TAS2R1: variants seen among roughly 807,000 people sequenced by gnomAD.
The protein encoded by TAS2R1 is taste 2 receptor member 1.
For synonymous variants in TAS2R1, 141 were observed against 134.2 expected (o/e 1.05, Z -0.35); for missense variants, 370 against 353.4 (o/e 1.05, Z -0.38).
chr5:9,789,327 A>G, the TAS2R1 span, among the ~76,000 whole-genome samples: 1 of 152,214 alleles, frequency 6.6e-6, no homozygotes. Flanking sequence ...TTTAATCTTT[A>G]TTTGAAGGAT....
At chr5:9,809,537 C>T in the TAS2R1 span, among the ~76,000 whole-genome samples, 2 of 152,078 alleles carry the variant, frequency 1.3e-5, no homozygotes, top group African/African-American at 2.4e-5. Flanking sequence ...GGAAGAGGGC[C>T]CTCACCAGAA....
chr5:9,901,112 TGAGAAGACCACA>T, the TAS2R1 span, among the ~76,000 whole-genome samples: 360 of 151,270 alleles, frequency 2.4e-3, no homozygotes, highest in Middle Eastern at 0.017. Context: ...GGTTGGACCC[TGAGAAGACCACA>T]GAGAAGGGTA....
chr5:9,824,790 C>A, the TAS2R1 span, among the ~76,000 whole-genome samples: 1 of 141,510 alleles, frequency 7.1e-6, no homozygotes, highest in Admixed American at 7.6e-5. Context: ...GAGGTTGCAG[C>A]GAGCCAAGAT....
At chr5:9,705,370 C>T (rs1741580353) in intron 1 of TAS2R1, among the ~76,000 whole-genome samples, 1 of 152,132 alleles carries the variant, frequency 6.6e-6, no homozygotes, top group South Asian at 2.1e-4. Flanking sequence ...GCATGTATTG[C>T]TTTCCTAATA....
intron 2 of TAS2R1, chr5:9,658,931 G>A (rs1740471336): frequency 6.6e-6 from 1 of 152,128 alleles, no homozygotes; most frequent in African/African-American, 2.4e-5. Flanking sequence ...TATGACTATA[G>A]CATTCCACAA....
At chr5:9,856,849 A>T in the TAS2R1 span, among the ~76,000 whole-genome samples, 1 of 152,224 alleles carries the variant, frequency 6.6e-6, no homozygotes, top group Non-Finnish European at 1.5e-5. Context: ...TTATTGCAGC[A>T]CTATTCACGA....
At chr5:9,734,536 T>G in the TAS2R1 span, among the ~76,000 whole-genome samples, 1 of 152,096 alleles carries the variant, frequency 6.6e-6, no homozygotes, top group South Asian at 2.1e-4. Context: ...AGAAAATAGA[T>G]CAGAGATAAG....
intron 2 of TAS2R1, among the ~76,000 whole-genome samples, chr5:9,642,968 T>C (rs765862557): frequency 1.3e-5 from 2 of 151,966 alleles, no homozygotes; most frequent in Non-Finnish European, 2.9e-5. Context: ...TTTCCCTTCT[T>C]TCCTTTTTCC....
chr5:9,851,941 A>G, the TAS2R1 span, among the ~76,000 whole-genome samples: 4 of 152,222 alleles, frequency 2.6e-5, no homozygotes, highest in Admixed American at 2.0e-4. Context: ...CTTCAGATAG[A>G]GGCTTGACTA....
At chr5:9,868,019 C>T in the TAS2R1 span, among the ~76,000 whole-genome samples, 1 of 152,172 alleles carries the variant, frequency 6.6e-6, no homozygotes, top group South Asian at 2.1e-4. Flanking sequence ...AAGTGGGCTC[C>T]AAGGCCTTGG....
intron 2 of TAS2R1, among the ~76,000 whole-genome samples, chr5:9,637,033 A>G (rs1210085399): frequency 6.6e-6 from 1 of 151,288 alleles, no homozygotes; most frequent in Non-Finnish European, 1.5e-5. Flanking sequence ...TGTGAGATTT[A>G]TGCTTTAAGG....
chr5:9,873,488 A>G, the TAS2R1 span, among the ~76,000 whole-genome samples: 1 of 151,466 alleles, frequency 6.6e-6, no homozygotes, highest in African/African-American at 2.4e-5. Context: ...TCCCATATCA[A>G]CCTAATTCAC....
intron 1 of TAS2R1, among the ~76,000 whole-genome samples, chr5:9,680,965 G>C (rs1164184672): frequency 6.6e-6 from 1 of 152,162 alleles, no homozygotes; most frequent in Non-Finnish European, 1.5e-5. Flanking sequence ...CGGAGGCAGA[G>C]GCAGGAGAAT....
At chr5:9,848,453 G>T in the TAS2R1 span, among the ~76,000 whole-genome samples, 3 of 152,092 alleles carry the variant, frequency 2.0e-5, no homozygotes, top group Non-Finnish European at 4.4e-5. Flanking sequence ...ACATTATGCC[G>T]ATTTTACTCC....
At chr5:9,735,764 G>C in the TAS2R1 span, among the ~76,000 whole-genome samples, 3 of 152,216 alleles carry the variant, frequency 2.0e-5, no homozygotes, top group African/African-American at 4.8e-5. Flanking sequence ...ATTTAGGAAT[G>C]TAACTTTTTA....
chr5:9,792,398 G>A, the TAS2R1 span, among the ~76,000 whole-genome samples: 1 of 152,130 alleles, frequency 6.6e-6, no homozygotes, highest in Non-Finnish European at 1.5e-5. Context: ...ATAAACCTGG[G>A]ATTGATGACA....
the TAS2R1 span, among the ~76,000 whole-genome samples, chr5:9,902,929 T>C: frequency 6.6e-6 from 1 of 151,922 alleles, no homozygotes; most frequent in East Asian, 1.9e-4. Context: ...TTTTGAAATA[T>C]ATCAGATAAT....
At chr5:9,871,527 G>A in the TAS2R1 span, among the ~76,000 whole-genome samples, 9 of 152,210 alleles carry the variant, frequency 5.9e-5, no homozygotes, top group Admixed American at 1.3e-4. Context: ...GCCCTGGCTC[G>A]CCAGAGCAAT....
chr5:9,701,215 C>T (rs1356876558), intron 1 of TAS2R1, among the ~76,000 whole-genome samples: 1 of 135,360 alleles, frequency 7.4e-6, no homozygotes. Context: ...ACATGGCAGA[C>T]ACGCAGACAC....
Sources: allele counts gnomAD v4.1 joint callset (sites outside exome capture counted in the v4.1 genomes callset), GRCh38; gene constraint gnomAD v4.1.1; transcripts MANE v1.5; gene names NCBI Gene and HGNC (gene_info 2026-07-23, HGNC 2026-07-21).